Variants in AQP9 observed in about 807,000 individuals in gnomAD.
AQP9 encodes the protein aquaporin-9.
Under a neutral mutation model 23.8 loss-of-function variants are expected in AQP9, and 19 were observed. The ratio of observed to expected loss-of-function variants is 0.80; its 90% confidence interval spans 0.56 to 1.17. AQP9 has a LOEUF of 1.17. AQP9 is among the 50% of genes most tolerant of loss of function. The pLI is 0.00. For missense variants in AQP9, 413 were observed against 362.0 expected (o/e 1.14, Z -1.14); for synonymous variants, 153 against 131.5 (o/e 1.16, Z -1.12).
At chr15:58,182,369 G>A (rs761429826) in intron 5 of AQP9, among the ~76,000 whole-genome samples, 1 of 152,138 alleles carries the variant, frequency 6.6e-6, no homozygotes, top group African/African-American at 2.4e-5. Context: ...ACTAGGCTAG[G>A]CAGGTAACCA....
chr15:58,183,973 C>A lies in AQP9; in HGVS notation c.726C>A (p.Asn242Lys), dbSNP rs1209616525. 9.3e-6 allele frequency: 15 copies of A among 1,613,894 alleles called. No individual in the cohort carries two copies. The highest frequency in any genetic ancestry group is 1.2e-5 in the Non-Finnish European group (14 of 1,179,968). The change falls in exon 6 of 6, where the codon AAC becomes AAA. Residue 242 changes from asparagine (N) to lysine (K), a missense_variant. Transcript: ENST00000219919. ...TGTTTGATTTCAGAGCTGGAAACAA[C>A]TTCTGGTGGATTCCTGTAGTGGGCC... The part of the protein sequence containing the change: ...WGFEVFRAGN[N>K]FWWIPVVGPL...
intron 1 of AQP9, chr15:58,163,888 T>C (rs950018817): frequency 2.0e-5 from 3 of 152,254 alleles, no homozygotes; most frequent in African/African-American, 7.2e-5. Context: ...AATGGTCTGC[T>C]GTCCCGGTGC....
intron 2 of AQP9, among the ~76,000 whole-genome samples, chr15:58,172,058 C>T (rs1451764628): frequency 1.6e-4 from 25 of 152,190 alleles, no homozygotes; most frequent in African/African-American, 5.8e-4. Context: ...TTTCTGCCCA[C>T]AAAAGCAGAG....
Position 58,138,681 on chromosome 15 carries a change from G to A in AQP9, c.111+5G>A, listed in dbSNP as rs760938065. 1 of 1,612,896 alleles carries A rather than the reference G, an allele frequency of 6.2e-7. No homozygotes were observed. The highest frequency in any genetic ancestry group is 8.5e-7 in the Non-Finnish European group (1 of 1,179,028). ...TTGGGCACGTTCATCTTGATTGTAA[G>A]TATTTCCTGATTTCCTACATTCAGA... On this transcript the variant is annotated splice_donor_5th_base_variant and intron_variant, in intron 1 of 5. Transcript: ENST00000219919.
rs1270161147 is a variant in AQP9, at chr15:58,185,738, A to C, written c.*1603A>C. On this transcript the variant is annotated 3_prime_UTR_variant, in exon 6 of 6. Transcript: ENST00000219919. Reference sequence around the variant, plus strand: ...AACTGTCAAAAAGCCCAGAATTCCCAAAGGCATTAGGTTTCCCAACTGCTT... The same window carrying C: ...AACTGTCAAAAAGCCCAGAATTCCCCAAGGCATTAGGTTTCCCAACTGCTT... 1 of 152,228 alleles carries C rather than the reference A, an allele frequency of 6.6e-6. No individual in the cohort carries two copies. Among genetic ancestry groups the C allele is most frequent in the Non-Finnish European group, 1.5e-5 (1 of 68,050 alleles). 9.4% of individuals were successfully genotyped at this position (152,228 alleles called of 1,614,324 possible). A position where few individuals can be genotyped will look rare whatever the true frequency, so the allele number is the denominator to read the frequency against.
Position 58,180,897 on chromosome 15 carries a change from G to A in AQP9, c.713+1552G>A, listed in dbSNP as rs190525171. Among the ~76,000 whole-genome samples the A allele has an allele frequency of 3.3e-4, 50 of 152,312 alleles. 1 individual carries two copies. The highest frequency in any genetic ancestry group is 2.7e-3 in the Admixed American group (41 of 15,298). ...TCACAACTAGAACACGAAAATGTCC[G>A]CAACTAGGATGGATCTCTTGTATCT... On this transcript the variant is annotated intron_variant, in intron 5 of 5. Coordinates refer to ENST00000219919, the MANE Select transcript of AQP9 (RefSeq NM_020980.5).
At chr15:58,147,694 G>A (rs1489380938) in intron 1 of AQP9, among the ~76,000 whole-genome samples, 1 of 152,134 alleles carries the variant, frequency 6.6e-6, no homozygotes, top group Non-Finnish European at 1.5e-5. Flanking sequence ...GCTTTCTTAT[G>A]AGAGTACCTC....
chr15:58,172,477 T>C (rs1375044651), intron 2 of AQP9, among the ~76,000 whole-genome samples: 1 of 152,198 alleles, frequency 6.6e-6, no homozygotes, highest in African/African-American at 2.4e-5. Flanking sequence ...GCTACATTTC[T>C]GTATAGGAGA....
At chr15:58,166,938 G>C (rs1363716366) in intron 2 of AQP9, 139 bp downstream of exon 2, 3 of 1,172,484 alleles carry the variant, frequency 2.6e-6, no homozygotes. Flanking sequence ...CATTTTTATA[G>C]ATAAAATTAA....
chr15:58,173,010 T>C, intron 2 of AQP9, 58 bp from the exon 3 acceptor site: 1 of 1,604,604 alleles, frequency 6.2e-7, no homozygotes, highest in Non-Finnish European at 8.5e-7. Flanking sequence ...CTCTAGATGG[T>C]TTTCTGTATA....
intron 5 of AQP9, 55 bp from the exon 6 acceptor site, chr15:58,183,906 G>A (rs1332449213): frequency 1.8e-5 from 29 of 1,582,048 alleles, no homozygotes; most frequent in Non-Finnish European, 2.5e-5. Context: ...AAACTAGACA[G>A]TAATACCAGG....
At chr15:58,151,509 C>A (rs1898149238) in intron 1 of AQP9, 1 of 152,092 alleles carries the variant, frequency 6.6e-6, no homozygotes, top group Non-Finnish European at 1.5e-5. Context: ...AACATCACCC[C>A]TTCTAATCTT....
At chr15:58,161,396 A>G (rs1184258127) in intron 1 of AQP9, among the ~76,000 whole-genome samples, 1 of 152,152 alleles carries the variant, frequency 6.6e-6, no homozygotes, top group African/African-American at 2.4e-5. Flanking sequence ...CTGATAGTAA[A>G]AAAAGCATTT....
intron 5 of AQP9, among the ~76,000 whole-genome samples, chr15:58,180,702 G>A (rs181788126): frequency 6.6e-6 from 1 of 152,240 alleles, no homozygotes; most frequent in African/African-American, 2.4e-5. Flanking sequence ...GGGCATTTTT[G>A]GTTGTCACGG....
At chr15:58,163,512 T>G (rs974597959) in intron 1 of AQP9, among the ~76,000 whole-genome samples, 2 of 152,170 alleles carry the variant, frequency 1.3e-5, no homozygotes, top group Non-Finnish European at 2.9e-5. Flanking sequence ...ATTATGCACT[T>G]GGAAGGTAAA....
intron 1 of AQP9, among the ~76,000 whole-genome samples, chr15:58,165,111 CT>C (rs1339585425): frequency 1.3e-5 from 2 of 152,062 alleles, no homozygotes; most frequent in African/African-American, 4.8e-5. Context: ...GTTAATTGCT[CT>C]TTTTTAGTTA....
chr15:58,166,104 G>A (rs1898497398), intron 1 of AQP9, among the ~76,000 whole-genome samples: 1 of 152,124 alleles, frequency 6.6e-6, no homozygotes, highest in South Asian at 2.1e-4. Flanking sequence ...CTTTTATACT[G>A]GGAGCCACAA....
chr15:58,165,393 G>A (rs1595738172), intron 1 of AQP9, among the ~76,000 whole-genome samples: 1 of 152,072 alleles, frequency 6.6e-6, no homozygotes, highest in African/African-American at 2.4e-5. Context: ...AAACAGATGG[G>A]TTTTAAAAAA....
Position 58,166,806 on chromosome 15 carries a change from A to G in AQP9, c.238+7A>G. The G allele has an allele frequency of 6.2e-7, 1 of 1,613,102 alleles. No homozygotes were observed. ...GTGGCTGGCGGTGTCTCTGGTAAGC[A>G]GTAGAAATAATGAATGCTGCTCTTA... On this transcript the variant is annotated splice_region_variant and intron_variant, in intron 2 of 5. Coordinates refer to ENST00000219919, the MANE Select transcript of AQP9 (RefSeq NM_020980.5).
Sources: allele counts gnomAD v4.1 joint callset (sites outside exome capture counted in the v4.1 genomes callset), GRCh38; gene constraint gnomAD v4.1.1; transcripts MANE v1.5; gene names NCBI Gene and HGNC (gene_info 2026-07-23, HGNC 2026-07-21).